Variants in TENM4 observed in about 807,000 individuals in gnomAD.
TENM4 encodes the protein teneurin transmembrane protein 4, also known as teneurin-4.
TENM4 carries 82 observed loss-of-function variants against 243.3 expected under a neutral mutation model. The observed-to-expected ratio is 0.34, with a 90% CI of 0.28 to 0.40. The LOEUF (loss-of-function observed/expected upper bound fraction) is 0.40, where lower values mean the gene tolerates loss of function less well. Among genes scored for constraint, TENM4 ranks in the 10% least tolerant of loss-of-function variants. TENM4 has a pLI of 1.00. For synonymous variants in TENM4, 1,412 were observed against 1,456.3 expected (o/e 0.97, Z 0.69); for missense variants, 3,138 against 3,673.3 (o/e 0.85, Z 3.77).
At chr11:79,210,081 C>T (rs1222603095) in intron 3 of TENM4, among the ~76,000 whole-genome samples, 1 of 152,140 alleles carries the variant, frequency 6.6e-6, no homozygotes, top group Non-Finnish European at 1.5e-5. Context: ...TACTCTTAGC[C>T]TCATAAGGTT....
intron 15 of TENM4, among the ~76,000 whole-genome samples, chr11:78,795,744 G>T (rs914552876): frequency 6.6e-6 from 1 of 152,096 alleles, no homozygotes; most frequent in African/African-American, 2.4e-5. Context: ...CATATATTTT[G>T]TACAAATTAG....
rs149701111 is a variant in TENM4, at chr11:79,293,435, C to T, written c.-265+4053G>A. On this transcript the variant is annotated intron_variant, in intron 2 of 33. Transcript: ENST00000278550. ...GGCAGGAAGATCACTTGAGCCCAGA[C>T]GTTTGAGGCTGCAGTGAGCTGTGAT... Among the ~76,000 whole-genome samples, 557 of 149,294 alleles carry T rather than the reference C, an allele frequency of 3.7e-3. 4 individuals are homozygous for T. The highest frequency in any genetic ancestry group is 0.013 in the African/African-American group (512 of 40,556).
At chr11:79,118,443 T>A (rs745379801) in intron 4 of TENM4, among the ~76,000 whole-genome samples, 1 of 152,196 alleles carries the variant, frequency 6.6e-6, no homozygotes, top group African/African-American at 2.4e-5. Context: ...AAGTCTATAC[T>A]TCAATGGCAT....
At chr11:78,971,548 A>T (rs539640541) in intron 6 of TENM4, among the ~76,000 whole-genome samples, 8 of 151,688 alleles carry the variant, frequency 5.3e-5, no homozygotes, top group Non-Finnish European at 8.8e-5. Flanking sequence ...TGATCCACCC[A>T]CCTCGGCCTC....
At chr11:79,374,489 T>C (rs937867591) in intron 1 of TENM4, among the ~76,000 whole-genome samples, 3 of 152,048 alleles carry the variant, frequency 2.0e-5, no homozygotes, top group South Asian at 2.1e-4. Context: ...GGAAAGCCCA[T>C]TTCCTTAGTG....
intron 6 of TENM4, among the ~76,000 whole-genome samples, chr11:78,941,777 G>T (rs992065266): frequency 6.6e-6 from 1 of 152,214 alleles, no homozygotes; most frequent in Non-Finnish European, 1.5e-5. Flanking sequence ...CCTGAAATGG[G>T]CAGAGAGCTG....
In TENM4 at chr11:78,722,750, C is replaced by G. The variant is rs1485101486; in HGVS notation, c.3718G>C (p.Asp1240His). The G allele has an allele frequency of 6.2e-7, 1 of 1,613,966 alleles. No homozygotes were observed. Among genetic ancestry groups the G allele is most frequent in the African/African-American group, 1.3e-5 (1 of 74,948 alleles). The change falls in exon 24 of 34, where the codon GAC (aspartate) becomes CAC (histidine). Residue 1240 changes from aspartate (D) to histidine (H), a missense_variant. Transcript: ENST00000278550. ...LAPVALTCGS[D>H]GSLYVGDFNY... The stretch of plus-strand genomic sequence containing the variant: ...AAATCACCCACATAGAGGCTCCCGT[C>G]AGAGCCACAGGTGAGGGCCACTGGG...
intron 1 of TENM4, among the ~76,000 whole-genome samples, chr11:79,374,568 A>G (rs1857853483): frequency 6.6e-6 from 1 of 151,950 alleles, no homozygotes; most frequent in Non-Finnish European, 1.5e-5. Context: ...AGATATAGAT[A>G]TATCTACACA....
intron 6 of TENM4, among the ~76,000 whole-genome samples, chr11:78,930,491 TAA>T (rs1329990678): frequency 6.6e-6 from 1 of 152,228 alleles, no homozygotes; most frequent in African/African-American, 2.4e-5. Flanking sequence ...TCCAAAGGGC[TAA>T]GTGTTACTCA....
At chr11:78,838,380 T>TTC (rs1387446633) in intron 12 of TENM4, among the ~76,000 whole-genome samples, 1 of 150,954 alleles carries the variant, frequency 6.6e-6, no homozygotes, top group Non-Finnish European at 1.5e-5. Context: ...TTTTGTAAGT[T>TTC]TTATAAGACA....
At chr11:78,837,306 T>C (rs978526270) in intron 12 of TENM4, among the ~76,000 whole-genome samples, 2 of 152,216 alleles carry the variant, frequency 1.3e-5, no homozygotes, top group African/African-American at 4.8e-5. Flanking sequence ...TTCTCTCTTG[T>C]GTGCCACCAG....
chr11:78,657,268 C>A lies in TENM4; in HGVS notation c.*790G>T. 1 of 398,444 alleles carries A rather than the reference C, an allele frequency of 2.5e-6. No homozygotes were observed. The highest frequency in any genetic ancestry group is 4.4e-6 in the Non-Finnish European group (1 of 226,162). The allele number at this position is 398,444 out of a possible 1,614,324, so 24.7% of individuals were successfully genotyped here. On this transcript the variant is annotated 3_prime_UTR_variant, in exon 34 of 34. Transcript: ENST00000278550. ...CCTCCCGGGAGGATGGGACTCTGAG[C>A]CCAGGATGTTATGTCACTGGTCTGG... is the stretch of plus-strand genomic sequence containing the variant.
intron 9 of TENM4, among the ~76,000 whole-genome samples, chr11:78,872,516 C>T (rs1859161111): frequency 1.3e-5 from 2 of 152,214 alleles, no homozygotes; most frequent in Non-Finnish European, 2.9e-5. Context: ...TCATCACATT[C>T]CTTTCTTTGT....
At chr11:78,954,984 C>T (rs1303449806) in intron 6 of TENM4, among the ~76,000 whole-genome samples, 1 of 152,232 alleles carries the variant, frequency 6.6e-6, no homozygotes, top group Non-Finnish European at 1.5e-5. Context: ...TGCTTCCAGG[C>T]CTGTGCCTCT....
chr11:79,324,353 C>G (rs1421906591), intron 1 of TENM4, among the ~76,000 whole-genome samples: 1 of 151,890 alleles, frequency 6.6e-6, no homozygotes, highest in Non-Finnish European at 1.5e-5. Context: ...TCCCAAGTAG[C>G]CAGGACTATA....
chr11:78,914,682 G>C (rs1293440907), intron 6 of TENM4, among the ~76,000 whole-genome samples: 1 of 152,198 alleles, frequency 6.6e-6, no homozygotes, highest in Admixed American at 6.5e-5. Flanking sequence ...ACCAGCTGCT[G>C]TCAGAACCTC....
chr11:79,257,484 C>T (rs765552887), intron 2 of TENM4, among the ~76,000 whole-genome samples: 6 of 152,160 alleles, frequency 3.9e-5, no homozygotes, highest in Non-Finnish European at 8.8e-5. Context: ...GCCAGAGGTG[C>T]TCCTTGAGCC....
At chr11:78,821,906 G>A (rs1351530793) in intron 12 of TENM4, among the ~76,000 whole-genome samples, 1 of 152,154 alleles carries the variant, frequency 6.6e-6, no homozygotes, top group Non-Finnish European at 1.5e-5. Flanking sequence ...ACTACATTGG[G>A]TTACGTTCTG....
chr11:78,884,395 G>A (rs507151), intron 9 of TENM4, among the ~76,000 whole-genome samples: 43,442 of 152,132 alleles, frequency 0.29, 6,653 homozygotes, highest in African/African-American at 0.38. Flanking sequence ...AGTTTACACC[G>A]TCAGCAAGTG....
Sources: allele counts gnomAD v4.1 joint callset (sites outside exome capture counted in the v4.1 genomes callset), GRCh38; gene constraint gnomAD v4.1.1; transcripts MANE v1.5; gene names NCBI Gene and HGNC (gene_info 2026-07-23, HGNC 2026-07-21).